The following CNTNAP3 variants were observed in gnomAD, a reference collection of about 807,000 sequenced individuals.
The protein encoded by CNTNAP3 is contactin-associated protein-like 3.
Under a neutral mutation model 92.1 loss-of-function variants are expected in CNTNAP3, and 36 were observed. The ratio of observed to expected loss-of-function variants is 0.39; its 90% CI spans 0.30 to 0.52. The LOEUF (loss-of-function observed/expected upper bound fraction) is 0.52, where lower values mean the gene tolerates loss of function less well. Ranked by LOEUF, CNTNAP3 falls within the 20% of genes least tolerant of loss-of-function variation. The pLI is 0.76. For synonymous variants in CNTNAP3, 232 were observed against 422.3 expected (o/e 0.55, Z 5.53); for missense variants, 534 against 1,069.6 (o/e 0.50, Z 6.98).
intron 14 of CNTNAP3, among the ~76,000 whole-genome samples, chr9:39,115,218 G>A (rs1160639673): frequency 6.6e-6 from 1 of 150,622 alleles, no homozygotes; most frequent in East Asian, 1.9e-4. Context: ...TATGCCTGAA[G>A]AGACTTAAAA....
intron 14 of CNTNAP3, among the ~76,000 whole-genome samples, chr9:39,110,029 T>G (rs1261286303): frequency 6.6e-6 from 1 of 152,160 alleles, no homozygotes; most frequent in African/African-American, 2.4e-5. Context: ...AAATACATAC[T>G]ACACCCTTAT....
chr9:39,070,862 AT>A lies in CNTNAP3; in HGVS notation c.*3027del, dbSNP rs1176117866. Among the ~76,000 whole-genome samples, 2 of 152,262 alleles carry A rather than the reference AT, an allele frequency of 1.3e-5. No homozygotes were observed. Among genetic ancestry groups the A allele is most frequent in the African/African-American group, 2.4e-5 (1 of 41,486 alleles). On this transcript the variant is annotated 3_prime_UTR_variant, in exon 24 of 24. Coordinates refer to ENST00000297668, the MANE Select transcript of CNTNAP3 (RefSeq NM_033655.5). ...CCCATCAAATATTCTTTCAGAGAAG[AT>A]GTGAACAAAGATCCAGAATTATTGG...
intron 18 of CNTNAP3, among the ~76,000 whole-genome samples, chr9:39,093,742 T>G (rs4062931): frequency 2.0e-5 from 3 of 151,600 alleles, no homozygotes; most frequent in African/African-American, 7.2e-5. Flanking sequence ...TATATGTATA[T>G]ACTACATTTT....
intron 21 of CNTNAP3, among the ~76,000 whole-genome samples, chr9:39,080,722 C>T (rs113335779): frequency 0.038 from 3,550 of 92,528 alleles, 32 homozygotes; most frequent in East Asian, 0.12. Context: ...AGTGCAGTGG[C>T]GCGATCTCGG....
At chr9:39,127,441 T>C (rs904579138) in intron 13 of CNTNAP3, among the ~76,000 whole-genome samples, 5 of 151,980 alleles carry the variant, frequency 3.3e-5, no homozygotes, top group African/African-American at 4.8e-5. Flanking sequence ...CAGATTTCAA[T>C]AGAATTTGAA....
Position 39,067,359 on chromosome 9 carries a change from AT to A in CNTNAP3, c.*6530del, listed in dbSNP as rs1291796894. On this transcript the variant is annotated 3_prime_UTR_variant, in exon 24 of 24. Coordinates refer to ENST00000297668, the MANE Select transcript of CNTNAP3 (RefSeq NM_033655.5). ...TTTCTGCCTCTTCACACACTTGGTA[AT>A]TTTTTATTGTATACCAGACATTGTG... Among the ~76,000 whole-genome samples the A allele has an allele frequency of 2.0e-5, 3 of 152,394 alleles. No homozygotes were observed. The highest frequency in any genetic ancestry group is 2.1e-4 in the South Asian group (1 of 4,832).
chr9:39,122,866 G>T (rs1821064508), intron 13 of CNTNAP3, among the ~76,000 whole-genome samples: 1 of 152,078 alleles, frequency 6.6e-6, no homozygotes, highest in Middle Eastern at 3.4e-3. Context: ...GAAGAGATAG[G>T]TACTATAAAC....
intron 13 of CNTNAP3, among the ~76,000 whole-genome samples, chr9:39,127,958 C>G (rs1821187902): frequency 6.6e-6 from 1 of 152,060 alleles, no homozygotes. Context: ...CCTGCCTCAG[C>G]CTCCTGAGTA....
intron 18 of CNTNAP3, among the ~76,000 whole-genome samples, chr9:39,092,556 T>A (rs1116762): frequency 2.3e-4 from 30 of 131,746 alleles, no homozygotes; most frequent in East Asian, 5.2e-4. Flanking sequence ...TATGTTATTA[T>A]TTTCATCTCA....
intron 13 of CNTNAP3, among the ~76,000 whole-genome samples, chr9:39,125,472 T>C (rs147434088): frequency 0.038 from 5,836 of 152,108 alleles, 161 homozygotes; most frequent in Non-Finnish European, 0.061. Flanking sequence ...CAAACCTGCA[T>C]GTTGTGCACA....
At position 39,096,415 on chromosome 9, in the gene CNTNAP3, A is replaced by G. The variant is rs182360224; in HGVS notation, c.2995+3496T>C. Reference sequence around the variant, plus strand: ...ATATTTACTATCTTTTTTAATTTTTAGTTTTTATGAATACCTAATAGTTGT... The same window carrying G: ...ATATTTACTATCTTTTTTAATTTTTGGTTTTTATGAATACCTAATAGTTGT... On this transcript the variant is annotated intron_variant, in intron 18 of 23. Transcript: ENST00000297668. Among the ~76,000 whole-genome samples, 175 of 152,020 alleles carry G rather than the reference A, an allele frequency of 1.2e-3. 1 individual carries two copies. The highest frequency in any genetic ancestry group is 4.2e-3 in the Admixed American group (64 of 15,264).
intron 15 of CNTNAP3, among the ~76,000 whole-genome samples, chr9:39,105,157 G>C (rs1257324592): frequency 1.3e-5 from 2 of 152,174 alleles, no homozygotes; most frequent in Non-Finnish European, 2.9e-5. Flanking sequence ...GCTAGGTGCA[G>C]TGGCTCACGC....
intron 21 of CNTNAP3, among the ~76,000 whole-genome samples, chr9:39,084,490 G>A (rs1041699752): frequency 4.6e-5 from 7 of 151,562 alleles, no homozygotes; most frequent in East Asian, 1.9e-4. Context: ...CACCACACCC[G>A]GCCACTCACC....
intron 14 of CNTNAP3, among the ~76,000 whole-genome samples, chr9:39,109,696 G>C (rs1401317821): frequency 1.3e-5 from 2 of 152,032 alleles, no homozygotes; most frequent in African/African-American, 4.8e-5. Context: ...AACATTCTTA[G>C]CTCACTGCCA....
chr9:39,128,906 A>G (rs1224056201), intron 13 of CNTNAP3, among the ~76,000 whole-genome samples: 1 of 151,314 alleles, frequency 6.6e-6, no homozygotes, highest in Non-Finnish European at 1.5e-5. Flanking sequence ...CTTATAATCA[A>G]TCAAGAAACT....
intron 12 of CNTNAP3, among the ~76,000 whole-genome samples, chr9:39,135,661 A>C (rs561388579): frequency 1.3e-5 from 2 of 152,192 alleles, no homozygotes; most frequent in Non-Finnish European, 2.9e-5. Flanking sequence ...ATGCACTTTA[A>C]TACATGTGAC....
intron 13 of CNTNAP3, among the ~76,000 whole-genome samples, chr9:39,132,024 C>G (rs1258201626): frequency 6.6e-6 from 1 of 152,020 alleles, no homozygotes; most frequent in Non-Finnish European, 1.5e-5. Flanking sequence ...CCGACATATA[C>G]TGTTTTTGTT....
At chr9:39,134,888 T>G (rs1395643565) in intron 12 of CNTNAP3, among the ~76,000 whole-genome samples, 1 of 152,226 alleles carries the variant, frequency 6.6e-6, no homozygotes, top group Non-Finnish European at 1.5e-5. Flanking sequence ...CATGTGTTCA[T>G]GATTTGTTGT....
rs1315110890 is a variant in CNTNAP3 at position 39,070,411 on chromosome 9, T to C, written c.*3479A>G. Among the ~76,000 whole-genome samples, 2 of 141,260 alleles carry C rather than the reference T, an allele frequency of 1.4e-5. No individual in the cohort carries two copies. Among genetic ancestry groups the C allele is most frequent in the Admixed American group, 7.1e-5 (1 of 14,078 alleles). The allele number at this position is 141,260 out of a possible 152,430, so 92.7% of individuals were successfully genotyped here. A position where few individuals can be genotyped will look rare whatever the true frequency, so the allele number is the denominator to read the frequency against. ...TATGTTAAGTGAAATAGGCCAGGCA[T>C]AGAAAGACAAACATTGCCATGTTCT... On this transcript the variant is annotated 3_prime_UTR_variant, in exon 24 of 24. Transcript: ENST00000297668.
Sources: allele counts gnomAD v4.1 joint callset (sites outside exome capture counted in the v4.1 genomes callset), GRCh38; gene constraint gnomAD v4.1.1; transcripts MANE v1.5; gene names NCBI Gene and HGNC (gene_info 2026-07-23, HGNC 2026-07-21).